Variants in KCNH2 observed in about 807,000 individuals in gnomAD.
KCNH2 encodes the protein potassium voltage-gated channel subfamily H member 2.
A neutral mutation model predicts 95.9 loss-of-function variants in KCNH2; 35 were observed. The observed-to-expected ratio is 0.37, with a 90% CI of 0.28 to 0.48. The LOEUF (loss-of-function observed/expected upper bound fraction) is 0.48. Among genes scored for constraint, KCNH2 ranks in the 20% least tolerant of loss-of-function variants. The pLI, the probability that KCNH2 is intolerant of heterozygous loss-of-function variation, is 0.99. For missense variants in KCNH2, 1,274 were observed against 1,702.9 expected, an observed-to-expected ratio of 0.75 and a Z score of 4.43; for synonymous variants, 786 against 754.7, an observed-to-expected ratio of 1.04 and a Z score of -0.68.
chr7:150,948,461 C>CGGA lies in KCNH2; in HGVS notation c.2672_2674dup (p.Phe891_Arg892insLeu), dbSNP rs1563149417. ...CGCCTCACCCTTGTCCGTGCGCCTG[C>CGGA]GGAAGGACAACTTGCGCTTGCGTTG... On this transcript the variant is annotated inframe_insertion, in exon 11 of 15. Transcript: ENST00000262186. 1 of 1,589,898 alleles carries CGGA rather than the reference C, an allele frequency of 6.3e-7. No homozygotes were observed. The highest frequency in any genetic ancestry group is 1.7e-5 in the Admixed American group (1 of 59,494).
At chr7:150,966,521 C>G (rs556092294) in intron 2 of KCNH2, among the ~76,000 whole-genome samples, 1 of 151,724 alleles carries the variant, frequency 6.6e-6, no homozygotes, top group Middle Eastern at 3.2e-3. Context: ...ACATAAACAG[C>G]GAAAACTGGC....
Position 150,961,294 on chromosome 7 carries a change from C to CTT in KCNH2, c.308-1560_308-1559dup, listed in dbSNP as rs58129336. Among the ~76,000 whole-genome samples, 1,015 of 122,058 alleles carry CTT rather than the reference C, an allele frequency of 8.3e-3. 16 individuals are homozygous for CTT. The highest frequency in any genetic ancestry group is 0.03 in the African/African-American group (943 of 31,682). 80.1% of individuals were successfully genotyped at this position (122,058 alleles called of 152,430 possible). On this transcript the variant is annotated intron_variant, in intron 2 of 14. Transcript: ENST00000262186. The surrounding 1 kb of genome is among the most constrained non-coding windows in gnomAD (Gnocchi z 6.2). ...ACTCCATCTTAGCAACCCAGCCTCA[C>CTT]TTTTTTTTTTTTTTTTTTTCTGAGA...
Position 150,959,552 on chromosome 7 carries a change from C to T in KCNH2, c.472+20G>A. 6.2e-7 allele frequency: 1 copy of T among 1,613,664 alleles called. No homozygotes were observed. Among genetic ancestry groups the T allele is most frequent in the Non-Finnish European group, 8.5e-7 (1 of 1,179,682 alleles). Reference sequence around the variant, plus strand: ...TGAGACCACGAACCCCTGAGCCTGCCCTAAAGCAAGTACACTTACCTGGGG... The same window carrying T: ...TGAGACCACGAACCCCTGAGCCTGCTCTAAAGCAAGTACACTTACCTGGGG... On this transcript the variant is annotated intron_variant, in intron 3 of 14. Transcript: ENST00000262186.
Position 150,952,381 on chromosome 7 carries a change from G to A in KCNH2, c.1557+44C>T. On this transcript the variant is annotated intron_variant, in intron 6 of 14. Coordinates refer to ENST00000262186, the MANE Select transcript of KCNH2 (RefSeq NM_000238.4). The surrounding 1 kb of genome is among the most constrained non-coding windows in gnomAD (Gnocchi z 7.3). ...CCCCACTACCTCCCACCACATTCCT[G>A]GCCTCTCCTCTCCCTACACCACCTG... 6.3e-7 allele frequency: 1 copy of A among 1,585,136 alleles called. No homozygotes were observed. Among genetic ancestry groups the A allele is most frequent in the Non-Finnish European group, 8.6e-7 (1 of 1,159,710 alleles).
At position 150,973,855 on chromosome 7, in the gene KCNH2, G is replaced by A. The variant is rs116737870; in HGVS notation, c.307+856C>T. ...AGTGCCTGCCAGGCTCACAAGGGTT[G>A]AGTCAATGCTTATGGGACACACGCT... On this transcript the variant is annotated intron_variant, in intron 2 of 14. Transcript: ENST00000262186. Among the ~76,000 whole-genome samples the A allele has an allele frequency of 6.7e-3, 1,018 of 152,324 alleles. 12 individuals carry two copies. The highest frequency in any genetic ancestry group is 0.023 in the African/African-American group (963 of 41,568).
In KCNH2 at chr7:150,961,577, G is replaced by A. The variant is rs1478138307; in HGVS notation, c.308-1841C>T. ...GGCCTCCCAAAGTGCAAGGATTACA[G>A]GTGTGAGCCACCGCACCCAGCCTCT... is the stretch of plus-strand genomic sequence containing the variant. On this transcript the variant is annotated intron_variant, in intron 2 of 14. Coordinates refer to ENST00000262186, the MANE Select transcript of KCNH2 (RefSeq NM_000238.4). The surrounding 1 kb of genome is among the most constrained non-coding windows in gnomAD (Gnocchi z 6.2). Among the ~76,000 whole-genome samples, 1 of 152,136 alleles carries A rather than the reference G, an allele frequency of 6.6e-6. No individual in the cohort carries two copies. The highest frequency in any genetic ancestry group is 1.9e-4 in the East Asian group (1 of 5,184).
At chr7:150,959,079 G>A (rs753648421) in intron 3 of KCNH2, among the ~76,000 whole-genome samples, 9 of 152,194 alleles carry the variant, frequency 5.9e-5, no homozygotes, top group Non-Finnish European at 1.0e-4. Context: ...CAGCCCAGGT[G>A]GGCATTCCCT....
chr7:150,957,578 G>A, intron 4 of KCNH2, 76 bp from the exon 5 acceptor site: 1 of 1,075,368 alleles, frequency 9.3e-7, no homozygotes, highest in Non-Finnish European at 1.4e-6. Context: ...GATCGAGAGT[G>A]GAGACCAGGC....
In KCNH2 at chr7:150,945,272, C is replaced by CGGTCAGGGCCT. The variant is rs1275445817; in HGVS notation, c.*82_*92dup. ...GCTTTCGAGTTCCTCTCCCCTTCCACGGTCAGGGCCTCCTGAGCAGGGCCT... is the reference window on the plus strand; with the variant it reads ...GCTTTCGAGTTCCTCTCCCCTTCCACGGTCAGGGCCTGGTCAGGGCCTCCTGAGCAGGGCCT... On this transcript the variant is annotated 3_prime_UTR_variant, in exon 15 of 15. Transcript: ENST00000262186. This position sits in a 1 kb window ranked among gnomAD's most constrained non-coding sequence, Gnocchi z 5.6. 2 of 1,377,950 alleles carry CGGTCAGGGCCT rather than the reference C, an allele frequency of 1.5e-6. No individual in the cohort carries two copies. The highest frequency in any genetic ancestry group is 2.9e-5 in the African/African-American group (2 of 68,842). The allele number at this position is 1,377,950 out of a possible 1,614,324, so 85.4% of individuals were successfully genotyped here. A position where few individuals can be genotyped will look rare whatever the true frequency, so the allele number is the denominator to read the frequency against.
chr7:150,966,034 A>G (rs961066370), intron 2 of KCNH2, among the ~76,000 whole-genome samples: 1 of 152,238 alleles, frequency 6.6e-6, no homozygotes, highest in African/African-American at 2.4e-5. Context: ...GTTTTCATGG[A>G]ACACAGAGGC....
chr7:150,971,525 A>G (rs1801839439), intron 2 of KCNH2, among the ~76,000 whole-genome samples: 1 of 152,094 alleles, frequency 6.6e-6, no homozygotes, highest in Non-Finnish European at 1.5e-5. Flanking sequence ...ACATGGAGCC[A>G]GGCCAGGCCA....
intron 7 of KCNH2, 73 bp downstream of exon 7, chr7:150,951,374 GC>G: frequency 6.3e-7 from 1 of 1,582,652 alleles, no homozygotes. Flanking sequence ...GGCCCGGCTA[GC>G]AGCCTCAGTT....
intron 2 of KCNH2, among the ~76,000 whole-genome samples, chr7:150,968,469 T>C (rs369627891): frequency 6.6e-6 from 1 of 152,186 alleles, no homozygotes. Context: ...CATTCCCAAG[T>C]AAGAAAAGCG....
intron 7 of KCNH2, 64 bp from the exon 8 acceptor site, chr7:150,951,184 T>C: frequency 7.2e-7 from 1 of 1,395,246 alleles, no homozygotes; most frequent in Non-Finnish European, 9.9e-7. Context: ...ACAGGGACCC[T>C]GCTCAGGCCC....
intron 2 of KCNH2, among the ~76,000 whole-genome samples, chr7:150,963,703 A>C (rs935462693): frequency 3.9e-5 from 6 of 152,122 alleles, no homozygotes; most frequent in African/African-American, 1.4e-4. Context: ...GCCCTCTGAA[A>C]GGGGAGGCAC....
At chr7:150,960,939 C>T (rs1262010318) in intron 2 of KCNH2, among the ~76,000 whole-genome samples, 1 of 151,796 alleles carries the variant, frequency 6.6e-6, no homozygotes, top group African/African-American at 2.4e-5. Context: ...CACCTAAGGC[C>T]CAGCTCAGAA....
At chr7:150,970,183 T>C (rs1042189680) in intron 2 of KCNH2, among the ~76,000 whole-genome samples, 1 of 152,048 alleles carries the variant, frequency 6.6e-6, no homozygotes, top group Non-Finnish European at 1.5e-5. Context: ...AATACCAACA[T>C]GTGAAGGGCT....
rs150934469 is a variant in KCNH2, at chr7:150,962,227, C to T, written c.308-2491G>A. On this transcript the variant is annotated intron_variant, in intron 2 of 14. Coordinates refer to ENST00000262186, the MANE Select transcript of KCNH2 (RefSeq NM_000238.4). This position sits in a 1 kb window ranked among gnomAD's most constrained non-coding sequence, Gnocchi z 5.7. ...GCGGCCTGAACAGGGATGCGCCTCA[C>T]CAGGACTGAGGAGAGGCTGGAGACC... Among the ~76,000 whole-genome samples the T allele has an allele frequency of 3.7e-4, 56 of 152,232 alleles. No homozygotes were observed. The highest frequency in any genetic ancestry group is 7.1e-4 in the Non-Finnish European group (48 of 68,048).
At chr7:150,964,555 G>A (rs970002509) in intron 2 of KCNH2, among the ~76,000 whole-genome samples, 4 of 152,222 alleles carry the variant, frequency 2.6e-5, no homozygotes, top group African/African-American at 9.6e-5. Context: ...GGGTACTGTG[G>A]GGACAAGTGA....
Sources: gnomAD v4.1 joint callset for allele counts (sites outside exome capture counted in the v4.1 genomes callset) on GRCh38, gnomAD v4.1.1 for gene constraint, Gnocchi (gnomAD v3.1) non-coding constraint, MANE v1.5 for transcripts, NCBI Gene and HGNC (gene_info 2026-07-23, HGNC 2026-07-21) for gene names.